Variants in SGCZ observed in about 807,000 individuals in gnomAD.
SGCZ encodes zeta-sarcoglycan.
In SGCZ, 40 loss-of-function variants were observed where a neutral mutation model predicts 41.3. The ratio of observed to expected loss-of-function variants is 0.97; its 90% CI spans 0.75 to 1.26. SGCZ has a LOEUF of 1.26. SGCZ is among the 50% of genes most tolerant of loss of function. SGCZ has a pLI of 0.00. For missense variants in SGCZ, 552 were observed against 369.8 expected, an observed-to-expected ratio of 1.49 and a Z score of -4.04; for synonymous variants, 206 against 137.5, an observed-to-expected ratio of 1.50 and a Z score of -3.49.
intron 3 of SGCZ, among the ~76,000 whole-genome samples, chr8:14,279,347 T>C (rs962615230): frequency 2.0e-5 from 3 of 152,050 alleles, no homozygotes; most frequent in African/African-American, 7.2e-5. Context: ...CAGATAGCAA[T>C]AGCCAGCTAT....
intron 1 of SGCZ, among the ~76,000 whole-genome samples, chr8:15,210,338 T>C (rs140530095): frequency 4.6e-5 from 7 of 152,286 alleles, no homozygotes; most frequent in Non-Finnish European, 1.5e-5. Flanking sequence ...AAGTCATTCA[T>C]GGCTCTCTCT....
chr8:14,978,470 C>CAAAAAAAAAAAA lies in SGCZ; in HGVS notation c.39+259103_39+259114dup, dbSNP rs59543494. ...TGGAGGACCGAGTGAGACACCGTCACAAAAAAAAAAAAAAAAAAAAAAAAA... is the reference window on the plus strand; with the variant it reads ...TGGAGGACCGAGTGAGACACCGTCACAAAAAAAAAAAAAAAAAAAAAAAAAAAAAAAAAAAAA... On this transcript the variant is annotated intron_variant, in intron 1 of 7. Coordinates refer to ENST00000382080, the MANE Select transcript of SGCZ (RefSeq NM_139167.4). Among the ~76,000 whole-genome samples, 25 of 62,826 alleles carry CAAAAAAAAAAAA rather than the reference C, an allele frequency of 4.0e-4. 3 individuals are homozygous for CAAAAAAAAAAAA. Among genetic ancestry groups the CAAAAAAAAAAAA allele is most frequent in the Middle Eastern group, 0.014 (1 of 72 alleles). The allele number at this position is 62,826 out of a possible 152,430, so 41.2% of individuals were successfully genotyped here. A position where few individuals can be genotyped will look rare whatever the true frequency, so the allele number is the denominator to read the frequency against.
chr8:14,993,761 A>C (rs1347558782), intron 1 of SGCZ, among the ~76,000 whole-genome samples: 1 of 152,196 alleles, frequency 6.6e-6, no homozygotes, highest in Non-Finnish European at 1.5e-5. Flanking sequence ...AATAGGCAGA[A>C]GAATAATAGG....
intron 1 of SGCZ, among the ~76,000 whole-genome samples, chr8:15,147,332 G>A (rs534550212): frequency 2.0e-5 from 3 of 152,148 alleles, no homozygotes; most frequent in Non-Finnish European, 2.9e-5. Context: ...AGGCTGGAGT[G>A]CAATGGCACC....
intron 2 of SGCZ, among the ~76,000 whole-genome samples, chr8:14,535,433 A>G (rs1184962627): frequency 7.2e-5 from 11 of 151,926 alleles, no homozygotes; most frequent in Admixed American, 7.2e-4. Context: ...TACATCTGGT[A>G]AAAGGTCACA....
chr8:14,369,625 T>G (rs1450473067), intron 2 of SGCZ, among the ~76,000 whole-genome samples: 2 of 152,048 alleles, frequency 1.3e-5, no homozygotes, highest in Non-Finnish European at 2.9e-5. Flanking sequence ...ACCCTGTTTC[T>G]CAACAAACAT....
intron 1 of SGCZ, among the ~76,000 whole-genome samples, chr8:15,031,299 T>G (rs1286825016): frequency 6.6e-6 from 1 of 152,148 alleles, no homozygotes; most frequent in Admixed American, 6.5e-5. Context: ...GAGGTAAGGA[T>G]CCTCATGCCT....
At chr8:14,427,093 T>C (rs12386938) in intron 2 of SGCZ, among the ~76,000 whole-genome samples, 16 of 121,336 alleles carry the variant, frequency 1.3e-4, no homozygotes, top group East Asian at 7.8e-4. Context: ...AATGAGTGAA[T>C]GAATGAATGA....
chr8:15,094,611 C>G (rs1354425768), intron 1 of SGCZ, among the ~76,000 whole-genome samples: 1 of 152,182 alleles, frequency 6.6e-6, no homozygotes, highest in African/African-American at 2.4e-5. Flanking sequence ...GGAAGTGTCT[C>G]TGGAGCCCAG....
chr8:14,607,669 T>G (rs537664542), intron 1 of SGCZ, among the ~76,000 whole-genome samples: 43 of 151,894 alleles, frequency 2.8e-4, no homozygotes, highest in African/African-American at 9.9e-4. Flanking sequence ...AAAATAGAGA[T>G]AGAAAGTAGT....
chr8:14,692,054 A>T (rs1258933193), intron 1 of SGCZ, among the ~76,000 whole-genome samples: 1 of 152,016 alleles, frequency 6.6e-6, no homozygotes, highest in African/African-American at 2.4e-5. Flanking sequence ...AAATTTCTCA[A>T]GAATGTCAAC....
At chr8:15,091,188 T>A (rs1265840658) in intron 1 of SGCZ, among the ~76,000 whole-genome samples, 1 of 152,206 alleles carries the variant, frequency 6.6e-6, no homozygotes, top group African/African-American at 2.4e-5. Context: ...AACAAACTTT[T>A]ATTTATTTTT....
At chr8:14,934,221 G>A (rs1800013383) in intron 1 of SGCZ, among the ~76,000 whole-genome samples, 1 of 151,844 alleles carries the variant, frequency 6.6e-6, no homozygotes, top group Non-Finnish European at 1.5e-5. Flanking sequence ...ATGGAATAGG[G>A]CACCACCGCA....
chr8:14,286,637 T>G (rs1433638380), intron 3 of SGCZ, among the ~76,000 whole-genome samples: 1 of 152,160 alleles, frequency 6.6e-6, no homozygotes, highest in African/African-American at 2.4e-5. Context: ...GATCATTTTA[T>G]TTTTAATGAA....
intron 1 of SGCZ, among the ~76,000 whole-genome samples, chr8:15,058,960 G>T (rs983880835): frequency 1.3e-5 from 2 of 152,058 alleles, no homozygotes; most frequent in Non-Finnish European, 2.9e-5. Flanking sequence ...TTATTAAGTT[G>T]AAACTTCTTT....
chr8:14,540,265 T>C (rs1245938555), intron 2 of SGCZ, among the ~76,000 whole-genome samples: 2 of 149,108 alleles, frequency 1.3e-5, no homozygotes. Context: ...TTCTGTCTTT[T>C]TGTTAGGTTT....
chr8:14,880,002 G>A (rs547906280), intron 1 of SGCZ, among the ~76,000 whole-genome samples: 4 of 151,936 alleles, frequency 2.6e-5, no homozygotes, highest in South Asian at 2.1e-4. Flanking sequence ...CACCACACCC[G>A]GCTAAGTTTT....
At chr8:15,119,922 G>C (rs1807415709) in intron 1 of SGCZ, among the ~76,000 whole-genome samples, 1 of 152,142 alleles carries the variant, frequency 6.6e-6, no homozygotes, top group Admixed American at 6.6e-5. Context: ...CCATCCTCTT[G>C]CTTCAGCCTC....
chr8:15,215,647 T>C (rs75790056), intron 1 of SGCZ, among the ~76,000 whole-genome samples: 3,228 of 152,220 alleles, frequency 0.021, 36 homozygotes, highest in Non-Finnish European at 0.031. Context: ...TCTTTCCTAG[T>C]CCAAATTACA....
Sources: allele counts gnomAD v4.1 joint callset (sites outside exome capture counted in the v4.1 genomes callset), GRCh38; gene constraint gnomAD v4.1.1; transcripts MANE v1.5; gene names NCBI Gene and HGNC (gene_info 2026-07-23, HGNC 2026-07-21).